The following CEP192 variants were observed in gnomAD, a reference collection of about 807,000 sequenced individuals.
CEP192 encodes the protein centrosomal protein of 192 kDa.
Under a neutral mutation model 271.8 loss-of-function variants are expected in CEP192, and 151 were observed. The observed-to-expected ratio is 0.56, with a 90% confidence interval of 0.49 to 0.64. CEP192 has a LOEUF of 0.64. Among genes scored for constraint, CEP192 ranks in the 30% least tolerant of loss-of-function variants. The pLI is 0.00. For missense variants in CEP192, 2,910 were observed against 3,020.5 expected (o/e 0.96, Z 0.86); for synonymous variants, 995 against 1,076.5 (o/e 0.92, Z 1.48).
chr18:13,096,700 C>G lies in CEP192; in HGVS notation c.6557+393C>G, dbSNP rs570764668. ...CCCAAACACTTCTGCCATTTCTTAC[C>G]TTGGTTTGGGTTGTGTGTTCTGCTG... On this transcript the variant is annotated intron_variant, in intron 36 of 44. Coordinates refer to ENST00000506447, the MANE Select transcript of CEP192 (RefSeq NM_032142.4). 2.3e-4 allele frequency among the ~76,000 whole-genome samples: 35 copies of G among 152,262 alleles called. 1 individual carries two copies. Among genetic ancestry groups the G allele is most frequent in the African/African-American group, 7.5e-4 (31 of 41,566 alleles).
At chr18:13,086,919 A>G (rs1458306243) in intron 30 of CEP192, 98 bp from the exon 31 acceptor site, 5 of 814,024 alleles carry the variant, frequency 6.1e-6, no homozygotes, top group African/African-American at 1.7e-5. Flanking sequence ...TAAATTTTTA[A>G]TTGTATTAAA....
intron 1 of CEP192, among the ~76,000 whole-genome samples, chr18:12,998,816 G>T (rs2033424875): frequency 6.6e-6 from 1 of 152,138 alleles, no homozygotes; most frequent in Non-Finnish European, 1.5e-5. Context: ...CCGTGGTCAG[G>T]TTCTCTAGTA....
intron 14 of CEP192, among the ~76,000 whole-genome samples, chr18:13,041,314 A>G (rs1394601678): frequency 6.6e-6 from 1 of 152,158 alleles, no homozygotes; most frequent in African/African-American, 2.4e-5. Context: ...ATAATCTATG[A>G]TAATTTTTAT....
chr18:13,015,946 A>G (rs981253519), intron 6 of CEP192, among the ~76,000 whole-genome samples: 1 of 152,154 alleles, frequency 6.6e-6, no homozygotes, highest in East Asian at 1.9e-4. Context: ...GGGTTTCACC[A>G]TGTTGGCCAG....
intron 13 of CEP192, among the ~76,000 whole-genome samples, chr18:13,039,726 G>C (rs1011401013): frequency 2.6e-5 from 4 of 152,154 alleles, no homozygotes; most frequent in African/African-American, 7.2e-5. Flanking sequence ...GTGCTTAGAG[G>C]CACAGGGCAA....
intron 9 of CEP192, among the ~76,000 whole-genome samples, chr18:13,027,561 C>T (rs1026978034): frequency 1.3e-5 from 2 of 152,136 alleles, no homozygotes; most frequent in Admixed American, 1.3e-4. Flanking sequence ...TTGCCTGTCT[C>T]TCCAGTTTTA....
chr18:13,053,944 G>A (rs1324690245), intron 18 of CEP192, among the ~76,000 whole-genome samples: 3 of 151,796 alleles, frequency 2.0e-5, no homozygotes, highest in African/African-American at 4.8e-5. Context: ...CTTCTGCCTC[G>A]GCCTCTCAAG....
At chr18:13,057,910 A>G in intron 20 of CEP192, 177 bp downstream of exon 20, 1 of 409,812 alleles carries the variant, frequency 2.4e-6, no homozygotes, top group Non-Finnish European at 4.2e-6. Context: ...TGTAAAGTGA[A>G]ACAGTTTTGC....
At chr18:13,043,694 T>C (rs1250743213) in intron 15 of CEP192, among the ~76,000 whole-genome samples, 1 of 152,190 alleles carries the variant, frequency 6.6e-6, no homozygotes, top group African/African-American at 2.4e-5. Flanking sequence ...TTAAATTTAA[T>C]TTATGGAGCA....
At chr18:13,063,687 T>C (rs2037529488) in intron 21 of CEP192, among the ~76,000 whole-genome samples, 1 of 152,172 alleles carries the variant, frequency 6.6e-6, no homozygotes, top group Non-Finnish European at 1.5e-5. Flanking sequence ...CTTTGTTGAT[T>C]GCATCCTTTG....
chr18:13,105,166 C>A, intron 40 of CEP192, 87 bp downstream of exon 40: 1 of 910,148 alleles, frequency 1.1e-6, no homozygotes, highest in Admixed American at 1.7e-5. Flanking sequence ...GCTTGTTTCA[C>A]CTGGAGCAGT....
At position 13,107,654 on chromosome 18, in the gene CEP192, A is replaced by G. The variant is rs2040017707; in HGVS notation, c.7047+2575A>G. ...TTTGTTTTCTCTTCAGCATATGCCC[A>G]AGGTATGTATGATGTGAGCAGCCTG... On this transcript the variant is annotated intron_variant, in intron 40 of 44. Transcript: ENST00000506447. Among the ~76,000 whole-genome samples, 2 of 152,198 alleles carry G rather than the reference A, an allele frequency of 1.3e-5. 1 individual carries two copies. The highest frequency in any genetic ancestry group is 1.3e-4 in the Admixed American group (2 of 15,272).
At chr18:13,069,456 T>C (rs2037892389) in intron 26 of CEP192, among the ~76,000 whole-genome samples, 1 of 152,158 alleles carries the variant, frequency 6.6e-6, no homozygotes, top group Admixed American at 6.5e-5. Flanking sequence ...TTAGAGTTGG[T>C]GAAGAATGAT....
chr18:13,108,538 A>C (rs11663369), intron 40 of CEP192, among the ~76,000 whole-genome samples: 20,767 of 152,180 alleles, frequency 0.14, 1,540 homozygotes, highest in East Asian at 0.31. Flanking sequence ...CAAGCAGCCA[A>C]CAAACCTGAA....
intron 44 of CEP192, among the ~76,000 whole-genome samples, chr18:13,118,832 G>A (rs1568447692): frequency 1.3e-5 from 2 of 152,162 alleles, no homozygotes; most frequent in African/African-American, 2.4e-5. Flanking sequence ...AATCTCCCCT[G>A]TAGGTGACCT....
At chr18:13,068,303 G>A in intron 23 of CEP192, 56 bp from the exon 24 acceptor site, 1 of 1,594,404 alleles carries the variant, frequency 6.3e-7, no homozygotes, top group Non-Finnish European at 8.6e-7. Flanking sequence ...CTTTCATTAA[G>A]ATAGTAATAT....
At chr18:13,050,665 T>C (rs1347172756) in intron 17 of CEP192, among the ~76,000 whole-genome samples, 1 of 151,814 alleles carries the variant, frequency 6.6e-6, no homozygotes. Context: ...CTACAACCTC[T>C]GCCTCCTGGG....
rs1428709762 is a variant in CEP192 at position 13,072,683 on chromosome 18, T to C, written c.5349-72T>C. On this transcript the variant is annotated intron_variant, in intron 28 of 44. Transcript: ENST00000506447. Reference sequence around the variant, plus strand: ...CTCTAGACATTGTGGTTGGTTTTAATTGGCTTTATTCTTATAATGGTAGCA... The same window carrying C: ...CTCTAGACATTGTGGTTGGTTTTAACTGGCTTTATTCTTATAATGGTAGCA... The C allele has an allele frequency of 6.6e-6, 7 of 1,065,730 alleles. No homozygotes were observed. In the African/African-American group the frequency reaches 9.4e-5, roughly 14 times the overall value. 66.0% of individuals were successfully genotyped at this position (1,065,730 alleles called of 1,614,324 possible).
chr18:13,051,627 G>A (rs920938784), intron 17 of CEP192, among the ~76,000 whole-genome samples: 5 of 151,952 alleles, frequency 3.3e-5, no homozygotes, highest in Admixed American at 6.6e-5. Context: ...CACTGCAAGC[G>A]CCGCCTCCCA....
Sources: allele counts gnomAD v4.1 joint callset (sites outside exome capture counted in the v4.1 genomes callset), GRCh38; gene constraint gnomAD v4.1.1; transcripts MANE v1.5; gene names NCBI Gene and HGNC (gene_info 2026-07-23, HGNC 2026-07-21).